Variants in CHD8 observed in about 807,000 individuals in gnomAD.
The protein encoded by CHD8 is chromodomain helicase DNA binding protein 8.
A neutral mutation model predicts 279.2 loss-of-function variants in CHD8; 31 were observed. That is an observed-to-expected ratio of 0.11 (90% confidence interval 0.08 to 0.15). CHD8 has a LOEUF of 0.15. CHD8 is among the 10% of genes least tolerant of loss of function. The pLI is 1.00. For missense variants in CHD8, 2,146 were observed against 3,230.5 expected (o/e 0.66, Z 8.14); for synonymous variants, 1,081 against 1,139.6 (o/e 0.95, Z 1.04).
At chr14:21,437,756 C>A (rs1889848236) in intron 1 of CHD8, among the ~76,000 whole-genome samples, 1 of 152,134 alleles carries the variant, frequency 6.6e-6, no homozygotes, top group Non-Finnish European at 1.5e-5. Context: ...CCTTTTAAAG[C>A]ACTCTTTCTG....
chr14:21,444,937 TC>T (rs1594393004), intron 1 of CHD8, among the ~76,000 whole-genome samples: 1 of 152,294 alleles, frequency 6.6e-6, no homozygotes, highest in Non-Finnish European at 1.5e-5. Flanking sequence ...CCCTGCTTAA[TC>T]CATAGCTTTT....
intron 1 of CHD8, among the ~76,000 whole-genome samples, chr14:21,432,071 G>C (rs1263683004): frequency 6.6e-6 from 1 of 152,018 alleles, no homozygotes; most frequent in Non-Finnish European, 1.5e-5. Context: ...ACCTCCTCTT[G>C]GGCACTTACA....
chr14:21,437,211 G>A, intron 1 of CHD8: 1 of 1,181,762 alleles, frequency 8.5e-7, no homozygotes, highest in Non-Finnish European at 1.1e-6. Context: ...GGCTGTGGGG[G>A]GCCGGTTCGC....
chr14:21,443,648 A>T (rs1406905519), intron 1 of CHD8, among the ~76,000 whole-genome samples: 1 of 151,932 alleles, frequency 6.6e-6, no homozygotes, highest in African/African-American at 2.4e-5. Context: ...AGGTCAGGAG[A>T]TCGAGACCAT....
rs373145325 is a variant in CHD8 at position 21,415,548 on chromosome 14, T to A, written c.1968+26A>T. On this transcript the variant is annotated intron_variant, in intron 7 of 37. Coordinates refer to ENST00000646647, the MANE Select transcript of CHD8 (RefSeq NM_001170629.2). ...AAATAAATAAATAAATAAATAAAAA[T>A]AATAATAATAATAAAAAGCCCTCAC... 9.0e-4 allele frequency: 895 copies of A among 990,374 alleles called. 4 individuals are homozygous for A. Among genetic ancestry groups the A allele is most frequent in the Middle Eastern group, 2.8e-3 (9 of 3,238 alleles). The allele number at this position is 990,374 out of a possible 1,614,324, so 61.3% of individuals were successfully genotyped here. A position where few individuals can be genotyped will look rare whatever the true frequency, so the allele number is the denominator to read the frequency against.
intron 4 of CHD8, 41 bp downstream of exon 4, chr14:21,427,828 T>A (rs2139531024): frequency 1.3e-6 from 2 of 1,596,884 alleles, no homozygotes; most frequent in East Asian, 4.5e-5. Context: ...TCACTTGAGC[T>A]TACTCTTGCA....
At chr14:21,414,712 T>A in intron 8 of CHD8, 1 of 603,588 alleles carries the variant, frequency 1.7e-6, no homozygotes, top group Non-Finnish European at 2.9e-6. Flanking sequence ...GAGAATCACA[T>A]GACATTTTAT....
At chr14:21,426,093 G>T (rs1277756127) in intron 5 of CHD8, 35 bp downstream of exon 5, 5 of 1,272,668 alleles carry the variant, frequency 3.9e-6, no homozygotes, top group Non-Finnish European at 4.5e-6. Context: ...ATTAAACATG[G>T]TTTTTTCTAC....
intron 1 of CHD8, among the ~76,000 whole-genome samples, chr14:21,442,001 G>C (rs1194374776): frequency 1.3e-5 from 2 of 152,226 alleles, no homozygotes; most frequent in Non-Finnish European, 1.5e-5. Flanking sequence ...GTCTGGCTTG[G>C]AGATAGATTT....
rs1006757078 is a variant in CHD8 at position 21,385,311 on chromosome 14, C to T, written c.*302G>A. 17 of 392,336 alleles carry T rather than the reference C, an allele frequency of 4.3e-5. No individual in the cohort carries two copies. Among genetic ancestry groups the T allele is most frequent in the Middle Eastern group, 6.9e-4 (1 of 1,444 alleles). 24.3% of individuals were successfully genotyped at this position (392,336 alleles called of 1,614,324 possible). On this transcript the variant is annotated 3_prime_UTR_variant, in exon 38 of 38. Coordinates refer to ENST00000646647, the MANE Select transcript of CHD8 (RefSeq NM_001170629.2). Reference sequence around the variant, plus strand: ...AGGCTCTGCCAGAGGCTAGGGCCAGCGCTACATAGTCTGTGGTTAATGGAG... The same window carrying T: ...AGGCTCTGCCAGAGGCTAGGGCCAGTGCTACATAGTCTGTGGTTAATGGAG...
intron 1 of CHD8, among the ~76,000 whole-genome samples, 165 bp downstream of exon 1, chr14:21,455,867 G>A (rs1342795964): frequency 6.6e-6 from 1 of 152,124 alleles, no homozygotes; most frequent in Non-Finnish European, 1.5e-5. Context: ...AAAGGAGACT[G>A]GTTCAGTCCG....
chr14:21,442,189 C>G (rs998250906), intron 1 of CHD8, among the ~76,000 whole-genome samples: 1 of 152,140 alleles, frequency 6.6e-6, no homozygotes, highest in East Asian at 1.9e-4. Context: ...TACAATTAGG[C>G]CGGGTGCAGT....
Position 21,394,293 on chromosome 14 carries a change from G to C in CHD8, c.5583C>G (p.Pro1861=), listed in dbSNP as rs192039938. ...CTTGCTTACCATCTCCAGCTGCTGG[G>C]GGAAGGCGGCATACTTGGCGGCACA... ...VAMCRQVCRL[P]PAAGDEPPDP... Residue 1861 remains proline (P), a synonymous_variant, in exon 31 of 38, where the codon CCC becomes CCG. Transcript: ENST00000646647. 5.6e-6 allele frequency: 9 copies of C among 1,613,938 alleles called. No individual in the cohort carries two copies. In the South Asian group the frequency reaches 8.8e-5, roughly 16 times the overall value.
intron 13 of CHD8, among the ~76,000 whole-genome samples, chr14:21,407,247 G>C (rs1266668822): frequency 6.6e-6 from 1 of 152,122 alleles, no homozygotes; most frequent in African/African-American, 2.4e-5. Flanking sequence ...TTGGGAAAAT[G>C]ACAGACTCAC....
intron 33 of CHD8, 27 bp downstream of exon 33, chr14:21,393,079 A>G (rs766514794): frequency 1.1e-5 from 18 of 1,607,568 alleles, no homozygotes; most frequent in Non-Finnish European, 8.5e-7. Context: ...TGGACTCTAC[A>G]TGTCCAGGGA....
chr14:21,385,820 G>T lies in CHD8; in HGVS notation c.7539C>A (p.Ala2513=). The part of the protein sequence containing the change: ...HHHHHHPGLR[A]PGYPSSPVTT... ...TCACTGGTGAAGAGGGGTAGCCAGGGGCTCTCAAGCCTGGATGGTGATGGT... is the reference window on the plus strand; with the variant it reads ...TCACTGGTGAAGAGGGGTAGCCAGGTGCTCTCAAGCCTGGATGGTGATGGT... The change falls in exon 38 of 38, where the codon GCC becomes GCA. Residue 2513 remains alanine, a synonymous_variant. Coordinates refer to ENST00000646647, the MANE Select transcript of CHD8 (RefSeq NM_001170629.2). The T allele has an allele frequency of 1.9e-6, 3 of 1,550,374 alleles. No individual in the cohort carries two copies. Among genetic ancestry groups the T allele is most frequent in the Non-Finnish European group, 1.7e-6 (2 of 1,146,734 alleles).
intron 37 of CHD8, among the ~76,000 whole-genome samples, chr14:21,389,553 G>A (rs901364948): frequency 2.0e-5 from 3 of 152,162 alleles, no homozygotes; most frequent in East Asian, 1.9e-4. Flanking sequence ...AGAGCTTGCC[G>A]TGAGCTGAGA....
intron 2 of CHD8, 180 bp downstream of exon 2, chr14:21,430,621 T>C: frequency 3.5e-6 from 2 of 578,936 alleles, no homozygotes; most frequent in Non-Finnish European, 6.2e-6. Context: ...AAAAATATGT[T>C]AACATTAACT....
chr14:21,394,174 A>G lies in CHD8; in HGVS notation c.5621T>C (p.Phe1874Ser). The change falls in exon 32 of 38, where the codon TTC becomes TCC. Residue 1874 changes from phenylalanine to serine, a missense_variant. By Grantham distance (155) the Phe-to-Ser change is radical (BLOSUM62 -2). Transcript: ENST00000646647. Reference sequence around the variant, plus strand: ...TCTCTCCTCAGTGATGGGCTCAATGAACAGGTTAGGGTCGGGGGGTTCTGC... The same window carrying G: ...TCTCTCCTCAGTGATGGGCTCAATGGACAGGTTAGGGTCGGGGGGTTCTGC... ...AGDEPPDPNL[F>S]IEPITEERAS... 2 of 1,607,148 alleles carry G rather than the reference A, an allele frequency of 1.2e-6. No individual in the cohort carries two copies. Among genetic ancestry groups the G allele is most frequent in the Middle Eastern group, 1.7e-4 (1 of 6,034 alleles).
Sources: allele counts gnomAD v4.1 joint callset (sites outside exome capture counted in the v4.1 genomes callset), GRCh38; gene constraint gnomAD v4.1.1; transcripts MANE v1.5; gene names NCBI Gene and HGNC (gene_info 2026-07-23, HGNC 2026-07-21).